Variants in MICAL3 observed in about 807,000 individuals in gnomAD.
The protein encoded by MICAL3 is [F-actin]-monooxygenase MICAL3.
A neutral mutation model predicts 207.4 loss-of-function variants in MICAL3; 62 were observed. The ratio of observed to expected loss-of-function variants is 0.30; its 90% CI spans 0.24 to 0.37. The LOEUF (loss-of-function observed/expected upper bound fraction) is 0.37. MICAL3 is among the 10% of genes least tolerant of loss of function. The pLI is 1.00. For missense variants in MICAL3, 2,368 were observed against 2,635.6 expected (o/e 0.90, Z 2.22); for synonymous variants, 1,077 against 1,069.3 (o/e 1.01, Z -0.14).
At chr22:17,936,140 G>A (rs886821984) in intron 1 of MICAL3, among the ~76,000 whole-genome samples, 3 of 152,032 alleles carry the variant, frequency 2.0e-5, no homozygotes, top group Non-Finnish European at 2.9e-5. Context: ...TGTTTATTGC[G>A]GCACTATTCA....
chr22:17,841,997 C>G lies in MICAL3; in HGVS notation c.2626G>C (p.Glu876Gln). ...AGTCGCTTGGCGATGCTGGGCTCCT[C>G]CAGGCCGTTCACGCCTGAACCTGCG... ...RTPGSGVNGL[E>Q]EPSIAKRLRG... The change falls in exon 20 of 32, where the codon GAG (glutamate) becomes CAG (glutamine). Residue 876 changes from glutamate to glutamine, a missense_variant. Glu to Gln is a conservative substitution (Grantham distance 29). This residue lies in a region of MICAL3 where 1,770 missense variants were observed against 1,863.2 expected (regional missense o/e 0.95). Coordinates refer to ENST00000441493, the MANE Select transcript of MICAL3 (RefSeq NM_015241.3). The surrounding 1 kb of genome is among the most constrained non-coding windows in gnomAD (Gnocchi z 4.2). The G allele has an allele frequency of 6.2e-7, 1 of 1,603,702 alleles. No individual in the cohort carries two copies. The highest frequency in any genetic ancestry group is 8.5e-7 in the Non-Finnish European group (1 of 1,179,484).
rs538375933 is a variant in MICAL3, at chr22:18,020,613, T to TAAACA, written c.-75+3667_-75+3668insTGTTT. On this transcript the variant is annotated intron_variant, in intron 1 of 31. Transcript: ENST00000441493. The stretch of plus-strand genomic sequence containing the variant: ...AAAATGGCTGTAAACCTTTAAAAAG[T>TAAACA]AAAAAAAAAAAAAAAAAAATAGGCT... Among the ~76,000 whole-genome samples, 28 of 119,736 alleles carry TAAACA rather than the reference T, an allele frequency of 2.3e-4. No homozygotes were observed. In the East Asian group the frequency reaches 5.7e-3, roughly 24 times the overall value. The allele number at this position is 119,736 out of a possible 152,430, so 78.6% of individuals were successfully genotyped here. A position where few individuals can be genotyped will look rare whatever the true frequency, so the allele number is the denominator to read the frequency against.
rs73384559 is a variant in MICAL3, at chr22:17,841,116, T to G, written c.2801+706A>C. The G allele has an allele frequency of 0.057, 8,647 of 152,558 alleles. 551 individuals carry two copies. The highest frequency in any genetic ancestry group is 0.16 in the African/African-American group (6,561 of 41,540). 9.5% of individuals were successfully genotyped at this position (152,558 alleles called of 1,614,324 possible). ...CCACTTGAGGCCTCTGCCCCTCGGG[T>G]TTGCAGCCTGTGTTTCTGTCCTGAA... On this transcript the variant is annotated intron_variant, in intron 20 of 31. Transcript: ENST00000441493. The surrounding 1 kb of genome is among the most constrained non-coding windows in gnomAD (Gnocchi z 4.2).
chr22:17,924,458 G>A (rs1348081749), intron 1 of MICAL3, among the ~76,000 whole-genome samples: 2 of 152,138 alleles, frequency 1.3e-5, no homozygotes, highest in Non-Finnish European at 2.9e-5. Flanking sequence ...TACAGGTTGG[G>A]CATCTCAAAT....
At chr22:17,890,190 T>C (rs1412210868) in intron 12 of MICAL3, among the ~76,000 whole-genome samples, 1 of 152,222 alleles carries the variant, frequency 6.6e-6, no homozygotes, top group Non-Finnish European at 1.5e-5. Context: ...TGTGTTAATC[T>C]AGGATCCCAC....
At chr22:17,976,983 TTTTTAGTAG>T in intron 1 of MICAL3, among the ~76,000 whole-genome samples, 1 of 151,886 alleles carries the variant, frequency 6.6e-6, no homozygotes, top group East Asian at 1.9e-4. Context: ...ATTTTTTGTA[TTTTTAGTAG>T]AGACGGGGTT....
At chr22:17,982,623 A>G (rs1477802917) in intron 1 of MICAL3, among the ~76,000 whole-genome samples, 1 of 152,038 alleles carries the variant, frequency 6.6e-6, no homozygotes, top group African/African-American at 2.4e-5. Context: ...GTGAGCCAAG[A>G]TTGTACCACT....
chr22:17,960,729 G>A (rs565979203), intron 1 of MICAL3, among the ~76,000 whole-genome samples: 6 of 152,184 alleles, frequency 3.9e-5, no homozygotes, highest in South Asian at 4.2e-4. Flanking sequence ...ACAGACACCC[G>A]CCCCGGGGTC....
intron 18 of MICAL3, among the ~76,000 whole-genome samples, chr22:17,865,714 G>A (rs1435237290): frequency 6.6e-6 from 1 of 152,264 alleles, no homozygotes; most frequent in Non-Finnish European, 1.5e-5. Flanking sequence ...CAGGGGGCAG[G>A]TGGAGCCTTT....
chr22:17,885,063 G>A (rs191745408), intron 16 of MICAL3, among the ~76,000 whole-genome samples: 3 of 152,144 alleles, frequency 2.0e-5, no homozygotes, highest in African/African-American at 7.2e-5. Context: ...TCCCAGCCCC[G>A]CCTCTTGTAA....
chr22:17,960,465 G>A (rs368821863), intron 1 of MICAL3, among the ~76,000 whole-genome samples: 3 of 152,318 alleles, frequency 2.0e-5, no homozygotes, highest in East Asian at 1.9e-4. Context: ...ATGGAGCTTC[G>A]TTCTAGTGAG....
At chr22:17,824,086 A>G (rs1183361882) in intron 22 of MICAL3, among the ~76,000 whole-genome samples, 1 of 145,044 alleles carries the variant, frequency 6.9e-6, no homozygotes, top group Non-Finnish European at 1.5e-5. Flanking sequence ...CTAAGCACGC[A>G]CACACCGTCC....
At chr22:17,862,549 C>T (rs767914313) in intron 19 of MICAL3, 9 of 983,174 alleles carry the variant, frequency 9.2e-6, no homozygotes, top group East Asian at 1.1e-4. Context: ...CATGAGCCAT[C>T]GTGCCTGGCC....
intron 17 of MICAL3, 96 bp downstream of exon 17, chr22:17,871,741 G>A: frequency 8.8e-7 from 1 of 1,133,884 alleles, no homozygotes; most frequent in Admixed American, 2.7e-5. Context: ...GACGCACATG[G>A]AATAAGGCAG....
intron 25 of MICAL3, among the ~76,000 whole-genome samples, chr22:17,820,519 T>C (rs1921459378): frequency 6.6e-6 from 1 of 152,194 alleles, no homozygotes; most frequent in Non-Finnish European, 1.5e-5. Context: ...CACGCCCGGC[T>C]AATTTTTTGT....
intron 20 of MICAL3, among the ~76,000 whole-genome samples, chr22:17,835,898 T>C (rs1245438602): frequency 6.6e-6 from 1 of 152,228 alleles, no homozygotes; most frequent in Non-Finnish European, 1.5e-5. Flanking sequence ...ACAGCAGGAA[T>C]GTGCCAGGGG....
At position 17,791,221 on chromosome 22, in the gene MICAL3, C is replaced by T. The variant is rs1435036798; in HGVS notation, c.5731G>A (p.Glu1911Lys). Residue 1911 changes from glutamate to lysine, a missense_variant, in exon 30 of 32, where the codon GAG becomes AAG. Glu to Lys is a moderately conservative substitution (Grantham distance 56). This residue lies in a region of MICAL3 where 1,770 missense variants were observed against 1,863.2 expected (regional missense o/e 0.95). Coordinates refer to ENST00000441493, the MANE Select transcript of MICAL3 (RefSeq NM_015241.3). ...ACTCACAAGATCATCAGCTCCGACT[C>T]GTAGCGCACCATGGCGTTCTTCTCC... ...VQEKNAMVRY[E>K]SELMIFAREL... 2 of 1,613,872 alleles carry T rather than the reference C, an allele frequency of 1.2e-6. No homozygotes were observed. Among genetic ancestry groups the T allele is most frequent in the Non-Finnish European group, 1.7e-6 (2 of 1,179,864 alleles).
intron 19 of MICAL3, among the ~76,000 whole-genome samples, chr22:17,849,361 G>T (rs1924990167): frequency 6.6e-6 from 1 of 152,240 alleles, no homozygotes; most frequent in Non-Finnish European, 1.5e-5. Context: ...TTGACACAGG[G>T]TCTCACTCTA....
chr22:17,897,079 A>G (rs1406188665), intron 7 of MICAL3, 98 bp from the exon 8 acceptor site: 4 of 1,384,886 alleles, frequency 2.9e-6, no homozygotes, highest in African/African-American at 2.9e-5. Flanking sequence ...TCTTCCCCCT[A>G]AAGTGACTCC....
Sources: allele counts gnomAD v4.1 joint callset (sites outside exome capture counted in the v4.1 genomes callset), GRCh38; gene constraint gnomAD v4.1.1; regional missense constraint gnomAD v4.1.1; non-coding constraint Gnocchi (gnomAD v3.1); transcripts MANE v1.5; gene names NCBI Gene and HGNC (gene_info 2026-07-23, HGNC 2026-07-21).